The following THSD7B variants were observed in gnomAD, a reference collection of about 807,000 sequenced individuals.
The protein encoded by THSD7B is thrombospondin type 1 domain containing 7B.
THSD7B carries 138 observed loss-of-function variants against 213.6 expected under a neutral mutation model. The ratio of observed to expected loss-of-function variants is 0.65; its 90% CI spans 0.56 to 0.74. The LOEUF is 0.74. THSD7B is among the 30% of genes least tolerant of loss of function. THSD7B has a pLI of 0.00. For missense variants in THSD7B, 1,931 were observed against 1,991.5 expected (o/e 0.97, Z 0.58); for synonymous variants, 742 against 687.0 (o/e 1.08, Z -1.25).
intron 15 of THSD7B, among the ~76,000 whole-genome samples, chr2:137,453,191 A>G (rs1262628031): frequency 1.3e-5 from 2 of 152,092 alleles, no homozygotes; most frequent in Non-Finnish European, 2.9e-5. Flanking sequence ...AAGTTTATTT[A>G]TTGTAAGTTG....
At chr2:137,316,757 CAA>C (rs869268206) in intron 12 of THSD7B, among the ~76,000 whole-genome samples, 156 of 21,822 alleles carry the variant, frequency 7.1e-3, no homozygotes, top group African/African-American at 0.024. Context: ...GACTCTGTCT[CAA>C]AAAAAAAAAA....
chr2:137,388,006 T>C (rs1053967476), intron 12 of THSD7B, among the ~76,000 whole-genome samples: 2 of 152,198 alleles, frequency 1.3e-5, no homozygotes, highest in African/African-American at 2.4e-5. Flanking sequence ...ACATTTGTAA[T>C]TGTTCACAGC....
At chr2:136,860,138 C>A (rs35845238) in intron 1 of THSD7B, among the ~76,000 whole-genome samples, 3 of 151,054 alleles carry the variant, frequency 2.0e-5, no homozygotes, top group East Asian at 2.0e-4. Context: ...CTGCCTCAGC[C>A]TCCCGAGTAG....
At chr2:136,955,393 T>C (rs964418283) in intron 2 of THSD7B, among the ~76,000 whole-genome samples, 4 of 152,188 alleles carry the variant, frequency 2.6e-5, no homozygotes, top group Non-Finnish European at 5.9e-5. Context: ...CAGAAGGGAA[T>C]TGGATTTGAT....
intron 27 of THSD7B, among the ~76,000 whole-genome samples, chr2:137,670,640 G>A (rs12998801): frequency 9.9e-5 from 15 of 151,666 alleles, no homozygotes; most frequent in Admixed American, 2.0e-4. Context: ...GCTCATCTTC[G>A]GCCAGGTGCG....
At chr2:136,976,891 G>A (rs1224476041) in intron 2 of THSD7B, among the ~76,000 whole-genome samples, 1 of 152,144 alleles carries the variant, frequency 6.6e-6, no homozygotes, top group Non-Finnish European at 1.5e-5. Context: ...AAAGTGCTGG[G>A]ATTACAGGCG....
chr2:136,799,380 A>C (rs1403364761), intron 1 of THSD7B, among the ~76,000 whole-genome samples: 1 of 152,028 alleles, frequency 6.6e-6, no homozygotes, highest in South Asian at 2.1e-4. Flanking sequence ...ATTAGAGCCT[A>C]TATATTTTCT....
intron 2 of THSD7B, among the ~76,000 whole-genome samples, chr2:136,886,501 G>A (rs1417286459): frequency 6.6e-6 from 1 of 152,158 alleles, no homozygotes; most frequent in Middle Eastern, 3.2e-3. Context: ...ATTTTGCCGT[G>A]CTGGGGACAT....
intron 17 of THSD7B, among the ~76,000 whole-genome samples, chr2:137,586,581 T>C (rs1681734166): frequency 6.6e-6 from 1 of 152,212 alleles, no homozygotes; most frequent in African/African-American, 2.4e-5. Flanking sequence ...ATTTTATTTT[T>C]CCTTCACTTC....
At chr2:137,413,361 G>A (rs1686714560) in intron 14 of THSD7B, among the ~76,000 whole-genome samples, 1 of 152,314 alleles carries the variant, frequency 6.6e-6, no homozygotes, top group South Asian at 2.1e-4. Flanking sequence ...TCTATGACTT[G>A]AGTGTACAGT....
intron 15 of THSD7B, among the ~76,000 whole-genome samples, chr2:137,509,213 T>G (rs532586089): frequency 6.6e-6 from 1 of 152,146 alleles, no homozygotes; most frequent in Non-Finnish European, 1.5e-5. Context: ...TAGCCTAAGG[T>G]CACCTTCCTG....
chr2:137,230,922 A>T, intron 7 of THSD7B, 122 bp from the exon 8 acceptor site: 2 of 972,120 alleles, frequency 2.1e-6, no homozygotes, highest in Non-Finnish European at 3.0e-6. Flanking sequence ...TCTGATGTAA[A>T]TATTGTGAAT....
intron 12 of THSD7B, among the ~76,000 whole-genome samples, chr2:137,382,007 A>G (rs2167878): frequency 0.56 from 85,774 of 152,038 alleles, 27,437 homozygotes; most frequent in East Asian, 0.77. Context: ...ATCAATGCAG[A>G]TATATTCTGG....
At chr2:137,008,618 G>C (rs185493013) in intron 2 of THSD7B, among the ~76,000 whole-genome samples, 1 of 152,164 alleles carries the variant, frequency 6.6e-6, no homozygotes, top group Admixed American at 6.5e-5. Flanking sequence ...TTGTGTGTGT[G>C]TGTTTCTATT....
rs566840513 is a variant in THSD7B, at chr2:137,335,701, G to A, written c.2500+59675G>A. 1.8e-4 allele frequency among the ~76,000 whole-genome samples: 27 copies of A among 152,184 alleles called. 2 individuals carry two copies. In the South Asian group the frequency reaches 2.3e-3, roughly 13 times the overall value. ...TTTTGAGTTGTAGTTATTGCCCTTC[G>A]GCGCACTTTGAGTAAATAGATCAGA... On this transcript the variant is annotated intron_variant, in intron 12 of 27. Coordinates refer to ENST00000409968, the MANE Select transcript of THSD7B (RefSeq NM_001316349.2).
At chr2:137,490,520 T>C (rs1688581036) in intron 15 of THSD7B, among the ~76,000 whole-genome samples, 2 of 152,184 alleles carry the variant, frequency 1.3e-5, no homozygotes, top group African/African-American at 4.8e-5. Flanking sequence ...ATTTCCCATA[T>C]AGCCTCAGCC....
chr2:137,609,619 A>G (rs1682250467), intron 17 of THSD7B, among the ~76,000 whole-genome samples: 1 of 152,220 alleles, frequency 6.6e-6, no homozygotes, highest in Admixed American at 6.5e-5. Context: ...GAGCATTCAG[A>G]TATAATGCTG....
intron 6 of THSD7B, among the ~76,000 whole-genome samples, chr2:137,170,227 A>AT (rs1289619375): frequency 2.6e-5 from 4 of 152,138 alleles, no homozygotes; most frequent in Non-Finnish European, 5.9e-5. Flanking sequence ...CCAAAGAGAT[A>AT]TTGTCTTTAT....
At chr2:136,886,598 A>G (rs1683721234) in intron 2 of THSD7B, among the ~76,000 whole-genome samples, 1 of 152,184 alleles carries the variant, frequency 6.6e-6, no homozygotes, top group Non-Finnish European at 1.5e-5. Context: ...GCTGATAAAC[A>G]TTCTAAAATG....
Sources: gnomAD v4.1 joint callset for allele counts (sites outside exome capture counted in the v4.1 genomes callset) on GRCh38, gnomAD v4.1.1 for gene constraint, MANE v1.5 for transcripts, NCBI Gene and HGNC (gene_info 2026-07-23, HGNC 2026-07-21) for gene names.